The following USP6 variants were observed in gnomAD, a reference collection of about 807,000 sequenced individuals.
The protein encoded by USP6 is ubiquitin specific peptidase 6, also known as ubiquitin carboxyl-terminal hydrolase 6.
A neutral mutation model predicts 175.7 loss-of-function variants in USP6; 128 were observed. That is an observed-to-expected ratio of 0.73 (90% CI 0.63 to 0.84). USP6 has a LOEUF of 0.84. Ranked by LOEUF, USP6 falls within the 40% of genes least tolerant of loss-of-function variation. The probability of loss-of-function intolerance (pLI) is 0.00; values close to 1 mark genes in which losing one functional copy is unlikely to be tolerated. For synonymous variants in USP6, 562 were observed against 630.6 expected (o/e 0.89, Z 1.63); for missense variants, 1,498 against 1,760.3 (o/e 0.85, Z 2.67).
chr17:5,133,391 C>G (rs1231734808), intron 13 of USP6, 52 bp from the exon 14 acceptor site: 1 of 1,540,058 alleles, frequency 6.5e-7, no homozygotes, highest in Non-Finnish European at 9.0e-7. Context: ...GGCTCTGGTC[C>G]TCACTGGGGT....
intron 25 of USP6, among the ~76,000 whole-genome samples, chr17:5,143,388 CTT>C (rs899956219): frequency 2.0e-5 from 3 of 152,216 alleles, no homozygotes; most frequent in Non-Finnish European, 2.9e-5. Context: ...ACATAGGAGA[CTT>C]TTCATTTTGT....
At chr17:5,122,146 GGGGT>G (rs1295527636) in intron 4 of USP6, among the ~76,000 whole-genome samples, 1 of 151,988 alleles carries the variant, frequency 6.6e-6, no homozygotes, top group Non-Finnish European at 1.5e-5. Context: ...GTGGGTCGGT[GGGGT>G]GGCAGGGGAA....
chr17:5,144,584 C>T, intron 25 of USP6, 106 bp from the exon 26 acceptor site: 1 of 1,306,408 alleles, frequency 7.7e-7, no homozygotes, highest in Non-Finnish European at 1.1e-6. Context: ...AGACTAAGTA[C>T]TATACTATTT....
rs760116675 is a variant in USP6 at position 5,174,854 on chromosome 17, CATAA to C, written c.*1880_*1883del. ...CTGACTTTAGAAAGATGTTAATGTACATAAATAGAGTGTAAATAAAATAGTGTTG... is the reference window on the plus strand; with the variant it reads ...CTGACTTTAGAAAGATGTTAATGTACATAGAGTGTAAATAAAATAGTGTTG... On this transcript the variant is annotated 3_prime_UTR_variant, in exon 38 of 38. Coordinates refer to ENST00000574788, the MANE Select transcript of USP6 (RefSeq NM_001304284.2). 4.7e-5 allele frequency: 9 copies of C among 191,556 alleles called. No homozygotes were observed. The highest frequency in any genetic ancestry group is 7.7e-5 in the Non-Finnish European group (7 of 91,224). 11.9% of individuals were successfully genotyped at this position (191,556 alleles called of 1,614,324 possible). A position where few individuals can be genotyped will look rare whatever the true frequency, so the allele number is the denominator to read the frequency against.
intron 25 of USP6, among the ~76,000 whole-genome samples, chr17:5,144,027 ATTATTT>A (rs1184430554): frequency 6.6e-6 from 1 of 152,144 alleles, no homozygotes; most frequent in African/African-American, 2.4e-5. Context: ...AGGATTATTC[ATTATTT>A]TTATTTAAAT....
chr17:5,166,470 A>G (rs557645288), intron 33 of USP6, among the ~76,000 whole-genome samples: 1 of 152,280 alleles, frequency 6.6e-6, no homozygotes, highest in South Asian at 2.1e-4. Flanking sequence ...AGGCAGCCTA[A>G]GGTTCCCATC....
chr17:5,139,183 C>G lies in USP6; in HGVS notation c.1079-72C>G, dbSNP rs748312009. On this transcript the variant is annotated intron_variant, in intron 21 of 37. Coordinates refer to ENST00000574788, the MANE Select transcript of USP6 (RefSeq NM_001304284.2). The stretch of plus-strand genomic sequence containing the variant: ...ACCCCAAGGACTCCAGAGATGCAGG[C>G]AGGTGGGGCCCAGCCCGGAAAGGCC... 3 of 1,598,272 alleles carry G rather than the reference C, an allele frequency of 1.9e-6. No individual in the cohort carries two copies. In the Admixed American group the frequency reaches 5.0e-5, roughly 27 times the overall value.
intron 33 of USP6, among the ~76,000 whole-genome samples, chr17:5,165,085 T>G (rs2074072219): frequency 6.6e-6 from 1 of 152,046 alleles, no homozygotes; most frequent in South Asian, 2.1e-4. Context: ...ATGTGAACAT[T>G]GTTTTAAAAA....
intron 37 of USP6, 63 bp from the exon 38 acceptor site, chr17:5,172,742 T>C: frequency 1.3e-6 from 2 of 1,592,140 alleles, no homozygotes; most frequent in Non-Finnish European, 1.7e-6. Flanking sequence ...TTCCCTTTCC[T>C]GGCAAGGATT....
intron 11 of USP6, among the ~76,000 whole-genome samples, chr17:5,131,087 C>T (rs973303154): frequency 1.3e-4 from 20 of 152,168 alleles, no homozygotes; most frequent in African/African-American, 4.6e-4. Flanking sequence ...TCCAGCAGGT[C>T]TCTCAGAGCC....
At position 5,168,957 on chromosome 17, in the gene USP6, T is replaced by C; in HGVS notation, c.3419T>C (p.Val1140Ala). The stretch of plus-strand genomic sequence containing the variant: ...AAGCCCAGGATTCTGGCAAGAGAGG[T>C]GAAGAAAGTGGATGCGCAGAGTTCG... ...LSKPRILARE[V>A]KKVDAQSSAG... is the part of the protein sequence containing the mutation. The change falls in exon 35 of 38, where the codon GTG becomes GCG. Residue 1140 changes from valine to alanine, a missense_variant. By Grantham distance (64) the Val-to-Ala change is moderately conservative. Around this residue, in one of 2 missense-constraint regions of USP6, gnomAD observed 1,217 missense variants for 1,500.8 expected, o/e 0.81. Coordinates refer to ENST00000574788, the MANE Select transcript of USP6 (RefSeq NM_001304284.2). The C allele has an allele frequency of 6.2e-7, 1 of 1,613,722 alleles. No individual in the cohort carries two copies. The highest frequency in any genetic ancestry group is 8.5e-7 in the Non-Finnish European group (1 of 1,179,818).
chr17:5,165,748 A>G (rs1258490546), intron 33 of USP6, among the ~76,000 whole-genome samples: 1 of 152,224 alleles, frequency 6.6e-6, no homozygotes, highest in African/African-American at 2.4e-5. Flanking sequence ...GGGTTCCTAT[A>G]GGTAATTTAT....
chr17:5,161,727 G>A (rs2074007599), intron 32 of USP6, 113 bp downstream of exon 32: 1 of 1,245,486 alleles, frequency 8.0e-7, no homozygotes, highest in African/African-American at 1.5e-5. Context: ...AGAAACTTAA[G>A]AACTGTGGCT....
In USP6 at chr17:5,144,985, A is replaced by T. The variant is rs879022501; in HGVS notation, c.1992+122A>T. ...GATCAGAATTTTACTGCAAAAATTA[A>T]GGAATTTCTATTTCTATGCTTAATT... On this transcript the variant is annotated intron_variant, in intron 26 of 37. Coordinates refer to ENST00000574788, the MANE Select transcript of USP6 (RefSeq NM_001304284.2). 7.3e-6 allele frequency: 10 copies of T among 1,378,176 alleles called. No individual in the cohort carries two copies. In the South Asian group the frequency reaches 1.9e-4, roughly 26 times the overall value. The allele number at this position is 1,378,176 out of a possible 1,614,324, so 85.4% of individuals were successfully genotyped here.
At chr17:5,162,116 C>T (rs62076291) in intron 32 of USP6, among the ~76,000 whole-genome samples, 113,595 of 152,168 alleles carry the variant, frequency 0.75, 43,209 homozygotes, top group Non-Finnish European at 0.81. Context: ...TAACTTGTGA[C>T]AAACATTTAT....
chr17:5,125,619 C>T lies in USP6; in HGVS notation c.-591-202C>T, dbSNP rs536820288. ...CTTACAGCTTGGAGTTGCAGCTGCCCTCCCACATCCTGTCCACTGTAACCC... is the reference window on the plus strand; with the variant it reads ...CTTACAGCTTGGAGTTGCAGCTGCCTTCCCACATCCTGTCCACTGTAACCC... On this transcript the variant is annotated intron_variant, in intron 5 of 37. Transcript: ENST00000574788. 2.1e-4 allele frequency among the ~76,000 whole-genome samples: 32 copies of T among 151,942 alleles called. No homozygotes were observed. The South Asian group carries it at 5.8e-3, about 28-fold the overall frequency.
intron 15 of USP6, 68 bp downstream of exon 15, chr17:5,134,064 G>C: frequency 1.3e-6 from 2 of 1,522,424 alleles, no homozygotes; most frequent in Non-Finnish European, 1.8e-6. Flanking sequence ...GACTTCCCCG[G>C]AGCAGAAGCC....
chr17:5,143,115 C>T (rs185289534), intron 25 of USP6, among the ~76,000 whole-genome samples: 142 of 152,296 alleles, frequency 9.3e-4, no homozygotes, highest in East Asian at 6.8e-3. Context: ...CCAGCCGCCC[C>T]GGCCTGGAGG....
chr17:5,140,482 A>G (rs1451136372), intron 22 of USP6, among the ~76,000 whole-genome samples: 1 of 152,174 alleles, frequency 6.6e-6, no homozygotes, highest in Non-Finnish European at 1.5e-5. Context: ...CTGAGGCAGG[A>G]GGATTGCTGG....
Sources: allele counts gnomAD v4.1 joint callset (sites outside exome capture counted in the v4.1 genomes callset), GRCh38; gene constraint gnomAD v4.1.1; regional missense constraint gnomAD v4.1.1; transcripts MANE v1.5; gene names NCBI Gene and HGNC (gene_info 2026-07-23, HGNC 2026-07-21).